TUSC3: variants seen among roughly 807,000 people sequenced by gnomAD.
TUSC3 encodes the protein dolichyl-diphosphooligosaccharide--protein glycosyltransferase subunit TUSC3.
A neutral mutation model predicts 44.8 loss-of-function variants in TUSC3; 45 were observed. That is an observed-to-expected ratio of 1.00 (90% CI 0.79 to 1.29). The LOEUF is 1.29. Among genes scored for constraint, TUSC3 ranks in the 50% most tolerant of loss-of-function variants. TUSC3 has a pLI of 0.00. For synonymous variants in TUSC3, 212 were observed against 152.9 expected (o/e 1.39, Z -2.85); for missense variants, 519 against 437.9 (o/e 1.19, Z -1.65).
At chr8:15,835,857 G>GTA in the TUSC3 span, among the ~76,000 whole-genome samples, 1 of 151,196 alleles carries the variant, frequency 6.6e-6, no homozygotes, top group Non-Finnish European at 1.5e-5. Flanking sequence ...TGGACTGAAA[G>GTA]AATTATAATT....
At chr8:15,586,305 G>A (rs1429800367) in intron 1 of TUSC3, among the ~76,000 whole-genome samples, 1 of 152,102 alleles carries the variant, frequency 6.6e-6, no homozygotes, top group Admixed American at 6.6e-5. Flanking sequence ...CATTAGTGGG[G>A]AAAAACACCG....
intron 1 of TUSC3, among the ~76,000 whole-genome samples, chr8:15,562,710 G>A (rs1306150424): frequency 6.6e-6 from 1 of 152,098 alleles, no homozygotes; most frequent in Admixed American, 6.5e-5. Flanking sequence ...CTTCCTGCTT[G>A]TGTTGCTCTC....
intron 6 of TUSC3, among the ~76,000 whole-genome samples, chr8:15,708,305 G>C (rs544733954): frequency 2.2e-4 from 33 of 152,040 alleles, no homozygotes; most frequent in African/African-American, 7.5e-4. Flanking sequence ...ATTGGGAATA[G>C]ATTAGGAAAA....
At chr8:15,604,286 AAG>A (rs1296191719) in intron 1 of TUSC3, among the ~76,000 whole-genome samples, 2 of 151,794 alleles carry the variant, frequency 1.3e-5, no homozygotes, top group Non-Finnish European at 1.5e-5. Context: ...TTTAGTGGAA[AAG>A]AGGGGGAAAG....
chr8:15,604,867 A>T (rs1804452293), intron 1 of TUSC3, among the ~76,000 whole-genome samples: 1 of 151,824 alleles, frequency 6.6e-6, no homozygotes, highest in Non-Finnish European at 1.5e-5. Flanking sequence ...ACCCAGGAAA[A>T]TGGTTTTATT....
chr8:15,667,632 T>G (rs1347443151), intron 5 of TUSC3, among the ~76,000 whole-genome samples: 1 of 151,786 alleles, frequency 6.6e-6, no homozygotes, highest in African/African-American at 2.4e-5. Context: ...ATTTTCATAT[T>G]CAGCTGATTA....
the TUSC3 span, among the ~76,000 whole-genome samples, chr8:15,851,961 T>A: frequency 1.3e-5 from 2 of 152,098 alleles, no homozygotes; most frequent in Non-Finnish European, 1.5e-5. Context: ...GGAAATCCCT[T>A]TTGCTTGGAT....
At chr8:15,691,554 G>T (rs1808901980) in intron 6 of TUSC3, among the ~76,000 whole-genome samples, 1 of 152,092 alleles carries the variant, frequency 6.6e-6, no homozygotes, top group Admixed American at 6.6e-5. Flanking sequence ...ATGTTGCATT[G>T]GAGTGGTAAG....
chr8:15,847,660 T>C, the TUSC3 span, among the ~76,000 whole-genome samples: 1 of 152,222 alleles, frequency 6.6e-6, no homozygotes, highest in Non-Finnish European at 1.5e-5. Flanking sequence ...TTAAGCTTTG[T>C]GATCTTCACA....
chr8:15,526,874 A>T (rs1014672118), intron 2 of TUSC3, among the ~76,000 whole-genome samples: 4 of 152,202 alleles, frequency 2.6e-5, no homozygotes, highest in Non-Finnish European at 4.4e-5. Flanking sequence ...TGCAAGGATT[A>T]GAAGAAAAGA....
chr8:15,819,515 G>A, the TUSC3 span, among the ~76,000 whole-genome samples: 303 of 152,192 alleles, frequency 2.0e-3, 1 homozygote, highest in African/African-American at 7.1e-3. Flanking sequence ...AACTGTCACA[G>A]TCATGTCTAC....
chr8:15,505,975 C>A (rs559844050), intron 2 of TUSC3, among the ~76,000 whole-genome samples: 2 of 152,120 alleles, frequency 1.3e-5, no homozygotes, highest in South Asian at 2.1e-4. Context: ...TTTTAAAAAT[C>A]TATTTTACTG....
At chr8:15,679,887 G>C (rs556144714) in intron 6 of TUSC3, among the ~76,000 whole-genome samples, 5 of 151,954 alleles carry the variant, frequency 3.3e-5, no homozygotes, top group Non-Finnish European at 7.4e-5. Context: ...CAAAGATCAG[G>C]TGGTTGTAGA....
chr8:15,807,294 C>CTGTAGGTCCCATTATGTCATAAT, the TUSC3 span: 1 of 531,304 alleles, frequency 1.9e-6, no homozygotes, highest in East Asian at 3.5e-5. Flanking sequence ...ATGTCATAAT[C>CTGTAGGTCCCATTATGTCATAAT]CTGTAGGTCT....
At chr8:15,486,568 C>T (rs1168354171) in intron 2 of TUSC3, among the ~76,000 whole-genome samples, 1 of 152,066 alleles carries the variant, frequency 6.6e-6, no homozygotes, top group Non-Finnish European at 1.5e-5. Context: ...CCTCAGCCTC[C>T]CAAGTAGCTG....
chr8:15,523,458 C>T (rs189405445), intron 2 of TUSC3, among the ~76,000 whole-genome samples: 183 of 152,048 alleles, frequency 1.2e-3, no homozygotes, highest in African/African-American at 4.2e-3. Flanking sequence ...TCCAAAAATG[C>T]ATAACCTCTT....
At chr8:15,651,969 G>GTA (rs1806929505) in intron 3 of TUSC3, among the ~76,000 whole-genome samples, 1 of 152,166 alleles carries the variant, frequency 6.6e-6, no homozygotes, top group Non-Finnish European at 1.5e-5. Flanking sequence ...CATTTCATAG[G>GTA]TGAGGAAATA....
chr8:15,713,291 G>C (rs191505036), intron 6 of TUSC3, among the ~76,000 whole-genome samples: 19 of 152,140 alleles, frequency 1.2e-4, no homozygotes, highest in Non-Finnish European at 2.5e-4. Flanking sequence ...ATTTACACTT[G>C]TAAGTATATA....
chr8:15,746,054 G>A (rs73197186), intron 8 of TUSC3, among the ~76,000 whole-genome samples: 18,111 of 151,986 alleles, frequency 0.12, 1,372 homozygotes, highest in Middle Eastern at 0.19. Context: ...CAACTTTGTT[G>A]AAGATCAGAT....
Sources: gnomAD v4.1 joint callset for allele counts (sites outside exome capture counted in the v4.1 genomes callset) on GRCh38, gnomAD v4.1.1 for gene constraint, MANE v1.5 for transcripts, NCBI Gene and HGNC (gene_info 2026-07-23, HGNC 2026-07-21) for gene names.